The following AKAP6 variants were observed in gnomAD, a reference collection of about 807,000 sequenced individuals.
AKAP6 encodes A-kinase anchor protein 6.
Under a neutral mutation model 188.5 loss-of-function variants are expected in AKAP6, and 58 were observed. The observed-to-expected ratio is 0.31, with a 90% CI of 0.25 to 0.38. The LOEUF (loss-of-function observed/expected upper bound fraction) is 0.38, where lower values mean the gene tolerates loss of function less well. Among genes scored for constraint, AKAP6 ranks in the 10% least tolerant of loss-of-function variants. The pLI, the probability that AKAP6 is intolerant of heterozygous loss-of-function variation, is 1.00. For missense variants in AKAP6, 2,710 were observed against 2,740.0 expected (o/e 0.99, Z 0.24); for synonymous variants, 989 against 998.6 (o/e 0.99, Z 0.18).
At chr14:32,330,228 G>T (rs1339166870) in intron 1 of AKAP6, among the ~76,000 whole-genome samples, 1 of 151,980 alleles carries the variant, frequency 6.6e-6, no homozygotes, top group Non-Finnish European at 1.5e-5. Flanking sequence ...ACAAAAATCT[G>T]GGTATGATGA....
chr14:32,806,188 G>C (rs1211758930), intron 12 of AKAP6, among the ~76,000 whole-genome samples: 1 of 152,186 alleles, frequency 6.6e-6, no homozygotes, highest in Non-Finnish European at 1.5e-5. Flanking sequence ...AATAGAACGG[G>C]ACATGAGCTT....
intron 4 of AKAP6, among the ~76,000 whole-genome samples, chr14:32,563,709 G>T (rs551547900): frequency 6.6e-6 from 1 of 152,294 alleles, no homozygotes; most frequent in African/African-American, 2.4e-5. Flanking sequence ...CCTCTTCTCT[G>T]TAAGACTCTG....
chr14:32,643,457 A>C (rs1459101703), intron 7 of AKAP6, among the ~76,000 whole-genome samples: 2 of 151,792 alleles, frequency 1.3e-5, no homozygotes, highest in Non-Finnish European at 1.5e-5. Flanking sequence ...ATAGGCACCC[A>C]CCACCATGCC....
intron 1 of AKAP6, among the ~76,000 whole-genome samples, chr14:32,398,556 C>T (rs1888953825): frequency 6.6e-6 from 1 of 152,120 alleles, no homozygotes; most frequent in South Asian, 2.1e-4. Flanking sequence ...CCTTTCCAGC[C>T]ATCCACACCA....
At position 32,418,954 on chromosome 14, in the gene AKAP6, T is replaced by C. The variant is rs989551342; in HGVS notation, c.-34-14506T>C. Among the ~76,000 whole-genome samples, 79 of 152,332 alleles carry C rather than the reference T, an allele frequency of 5.2e-4. 1 individual carries two copies. The highest frequency in any genetic ancestry group is 1.9e-3 in the African/African-American group (77 of 41,580). On this transcript the variant is annotated intron_variant, in intron 1 of 13. Transcript: ENST00000280979. ...TGTAACAAATTATTTATCTATGATA[T>C]GTAACTTAAATTACTTGTTCTAGGG...
chr14:32,412,753 A>G (rs1889528804), intron 1 of AKAP6, among the ~76,000 whole-genome samples: 1 of 152,220 alleles, frequency 6.6e-6, no homozygotes, highest in Non-Finnish European at 1.5e-5. Flanking sequence ...AAAACAAATC[A>G]GCATATGCAA....
At chr14:32,800,173 TAC>T (rs60501603) in intron 12 of AKAP6, among the ~76,000 whole-genome samples, 3 of 52,976 alleles carry the variant, frequency 5.7e-5, no homozygotes, top group South Asian at 4.7e-4. Context: ...CACATATATA[TAC>T]ATATATATAT....
At chr14:32,713,183 A>G (rs905862014) in intron 9 of AKAP6, among the ~76,000 whole-genome samples, 1 of 152,006 alleles carries the variant, frequency 6.6e-6, no homozygotes, top group Non-Finnish European at 1.5e-5. Flanking sequence ...TTTTATTCTG[A>G]GCCATAGGTC....
At chr14:32,631,972 T>C (rs757547451) in intron 7 of AKAP6, among the ~76,000 whole-genome samples, 1 of 152,058 alleles carries the variant, frequency 6.6e-6, no homozygotes, top group Non-Finnish European at 1.5e-5. Context: ...TTTTAGAAGA[T>C]GGACGTGAGA....
At chr14:32,649,236 A>G (rs897014113) in intron 7 of AKAP6, among the ~76,000 whole-genome samples, 4 of 152,270 alleles carry the variant, frequency 2.6e-5, no homozygotes, top group Non-Finnish European at 2.9e-5. Context: ...GAATAAATCC[A>G]TTTAATTATC....
chr14:32,479,399 C>A (rs1031388282), intron 2 of AKAP6, among the ~76,000 whole-genome samples: 1 of 151,936 alleles, frequency 6.6e-6, no homozygotes. Context: ...TAGAGATATC[C>A]ACTATTACCA....
chr14:32,535,475 G>C (rs1882629615), intron 2 of AKAP6, 79 bp from the exon 3 acceptor site: 1 of 1,497,810 alleles, frequency 6.7e-7, no homozygotes, highest in South Asian at 1.3e-5. Context: ...TTAGGTAAGA[G>C]TGTACTTTTC....
intron 1 of AKAP6, among the ~76,000 whole-genome samples, chr14:32,427,139 T>C (rs765952771): frequency 5.3e-5 from 8 of 152,144 alleles, no homozygotes; most frequent in Non-Finnish European, 1.0e-4. Flanking sequence ...GACGTGCTGT[T>C]TCCCCCCTGG....
At chr14:32,533,402 T>A (rs1219508183) in intron 2 of AKAP6, among the ~76,000 whole-genome samples, 1 of 151,992 alleles carries the variant, frequency 6.6e-6, no homozygotes, top group African/African-American at 2.4e-5. Flanking sequence ...TCCCCCATCA[T>A]CCCTACTATA....
intron 2 of AKAP6, among the ~76,000 whole-genome samples, chr14:32,479,261 C>T (rs925713836): frequency 6.6e-6 from 1 of 152,068 alleles, no homozygotes; most frequent in Non-Finnish European, 1.5e-5. Flanking sequence ...ATCGACTCCT[C>T]ACTTTGATTG....
rs111385492 is a variant in AKAP6, at chr14:32,594,180, A to G, written c.2470-5230A>G. ...AGCTGCCTGCAAGTTAGATAGTATG[A>G]TTTCCATTTTATATTTCAGAAAACT... On this transcript the variant is annotated intron_variant, in intron 5 of 13. Transcript: ENST00000280979. Among the ~76,000 whole-genome samples, 295 of 152,256 alleles carry G rather than the reference A, an allele frequency of 1.9e-3. 1 individual carries two copies. The highest frequency in any genetic ancestry group is 3.2e-3 in the Non-Finnish European group (216 of 68,018).
intron 1 of AKAP6, among the ~76,000 whole-genome samples, chr14:32,377,508 C>T (rs912493408): frequency 6.6e-6 from 1 of 151,750 alleles, no homozygotes; most frequent in Non-Finnish European, 1.5e-5. Flanking sequence ...TATGTACGTG[C>T]ATGAGAGAGA....
chr14:32,738,459 C>T (rs1429383068), intron 11 of AKAP6, among the ~76,000 whole-genome samples: 1 of 152,096 alleles, frequency 6.6e-6, no homozygotes, highest in African/African-American at 2.4e-5. Context: ...ATTTAATAAC[C>T]TTGTTGATGA....
intron 8 of AKAP6, among the ~76,000 whole-genome samples, chr14:32,687,540 A>T (rs1337963366): frequency 6.6e-6 from 1 of 151,488 alleles, no homozygotes; most frequent in Non-Finnish European, 1.5e-5. Flanking sequence ...GAACACTGCT[A>T]CATAAAGTGT....
Sources: allele counts gnomAD v4.1 joint callset (sites outside exome capture counted in the v4.1 genomes callset), GRCh38; gene constraint gnomAD v4.1.1; transcripts MANE v1.5; gene names NCBI Gene and HGNC (gene_info 2026-07-23, HGNC 2026-07-21).